Variants in UNC5D observed in about 807,000 individuals in gnomAD.
UNC5D encodes the protein unc-5 netrin receptor D.
UNC5D carries 39 observed loss-of-function variants against 105.4 expected under a neutral mutation model. That is an observed-to-expected ratio of 0.37 (90% CI 0.29 to 0.48). The LOEUF (loss-of-function observed/expected upper bound fraction) is 0.48. Ranked by LOEUF, UNC5D falls within the 20% of genes least tolerant of loss-of-function variation. The pLI is 0.98. For missense variants in UNC5D, 991 were observed against 1,202.4 expected (o/e 0.82, Z 2.60); for synonymous variants, 452 against 450.4 (o/e 1.00, Z -0.04).
intron 16 of UNC5D, among the ~76,000 whole-genome samples, chr8:35,789,405 T>C (rs1397615200): frequency 6.7e-6 from 1 of 149,932 alleles, no homozygotes; most frequent in Non-Finnish European, 1.5e-5. Context: ...GTAGTAAACA[T>C]GGAGAGCAAC....
intron 12 of UNC5D, among the ~76,000 whole-genome samples, chr8:35,749,312 T>C (rs1413303304): frequency 6.6e-6 from 1 of 152,172 alleles, no homozygotes; most frequent in Non-Finnish European, 1.5e-5. Context: ...GTCACAGCAA[T>C]GACAGATTGC....
intron 1 of UNC5D, among the ~76,000 whole-genome samples, chr8:35,429,221 G>T (rs1367409126): frequency 6.6e-6 from 1 of 152,058 alleles, no homozygotes; most frequent in Non-Finnish European, 1.5e-5. Context: ...GAATCCTGTG[G>T]GTTAGTCTTT....
At chr8:35,684,784 T>A in intron 6 of UNC5D, 35 bp downstream of exon 6, 3 of 1,575,804 alleles carry the variant, frequency 1.9e-6, no homozygotes, top group Non-Finnish European at 2.6e-6. Flanking sequence ...TCCCTTCTGA[T>A]CCACCAACAC....
intron 1 of UNC5D, among the ~76,000 whole-genome samples, chr8:35,377,926 T>C (rs1045084605): frequency 2.0e-5 from 3 of 152,186 alleles, no homozygotes; most frequent in African/African-American, 7.2e-5. Context: ...TCATCCTTCA[T>C]TCTCTCACCA....
At chr8:35,641,168 A>C (rs1432835151) in intron 4 of UNC5D, among the ~76,000 whole-genome samples, 1 of 152,070 alleles carries the variant, frequency 6.6e-6, no homozygotes, top group Non-Finnish European at 1.5e-5. Flanking sequence ...GAAGCTGTGT[A>C]TATATGAATA....
At chr8:35,411,133 G>A (rs139977092) in intron 1 of UNC5D, among the ~76,000 whole-genome samples, 36 of 152,080 alleles carry the variant, frequency 2.4e-4, no homozygotes, top group Admixed American at 9.8e-4. Flanking sequence ...TTTGAGAGGG[G>A]CACCTAGTTA....
At chr8:35,611,970 C>T (rs1053397492) in intron 4 of UNC5D, among the ~76,000 whole-genome samples, 2 of 152,186 alleles carry the variant, frequency 1.3e-5, no homozygotes, top group Admixed American at 6.5e-5. Context: ...AAATGGTTAT[C>T]GCTGTTAATA....
chr8:35,681,703 C>T (rs772789797), intron 4 of UNC5D, among the ~76,000 whole-genome samples: 3 of 152,116 alleles, frequency 2.0e-5, no homozygotes. Flanking sequence ...TGGTACCACT[C>T]GGCTCTGACA....
intron 1 of UNC5D, among the ~76,000 whole-genome samples, chr8:35,380,899 G>A (rs983182653): frequency 6.6e-6 from 1 of 152,092 alleles, no homozygotes; most frequent in Non-Finnish European, 1.5e-5. Context: ...CGTCACACCT[G>A]CCAGGATCAT....
intron 10 of UNC5D, chr8:35,726,949 G>A (rs988874291): frequency 7.4e-5 from 14 of 189,020 alleles, no homozygotes; most frequent in Admixed American, 1.6e-4. Context: ...TTAGTGAAAT[G>A]ACATCTCATC....
intron 1 of UNC5D, among the ~76,000 whole-genome samples, chr8:35,430,540 C>T (rs112844824): frequency 0.017 from 2,588 of 152,150 alleles, 91 homozygotes; most frequent in African/African-American, 0.059. Flanking sequence ...ACCTGGGGAT[C>T]GCAATTGGCA....
Position 35,489,798 on chromosome 8 carries a change from T to C in UNC5D, c.104-59494T>C, listed in dbSNP as rs554832509. Among the ~76,000 whole-genome samples the C allele has an allele frequency of 4.5e-4, 69 of 152,358 alleles. 1 individual carries two copies. The South Asian group carries it at 0.011, about 25-fold the overall frequency. On this transcript the variant is annotated intron_variant, in intron 1 of 16. Coordinates refer to ENST00000404895, the MANE Select transcript of UNC5D (RefSeq NM_080872.4). Reference sequence around the variant, plus strand: ...CTACAAAACATGTAGCTTTGGTTTATTGCAAACGTTTAAACATTATAGCCT... The same window carrying C: ...CTACAAAACATGTAGCTTTGGTTTACTGCAAACGTTTAAACATTATAGCCT...
chr8:35,574,193 A>T (rs946260805), intron 3 of UNC5D, among the ~76,000 whole-genome samples: 1 of 151,728 alleles, frequency 6.6e-6, no homozygotes, highest in Non-Finnish European at 1.5e-5. Flanking sequence ...CTGCTTATAA[A>T]ATATTGGGCC....
intron 2 of UNC5D, among the ~76,000 whole-genome samples, chr8:35,563,410 C>A (rs1817106559): frequency 6.6e-6 from 1 of 151,494 alleles, no homozygotes; most frequent in African/African-American, 2.4e-5. Context: ...TTCTTGATTT[C>A]TTTTTCAGAT....
intron 1 of UNC5D, among the ~76,000 whole-genome samples, chr8:35,322,730 G>A (rs192386567): frequency 2.1e-3 from 314 of 152,244 alleles, no homozygotes; most frequent in Admixed American, 3.1e-3. Context: ...CTATTTATAG[G>A]TAACTTAATG....
At chr8:35,634,694 A>G (rs568362846) in intron 4 of UNC5D, among the ~76,000 whole-genome samples, 1 of 152,250 alleles carries the variant, frequency 6.6e-6, no homozygotes, top group South Asian at 2.1e-4. Context: ...CTTTTTGTGC[A>G]ATTATAAGGT....
chr8:35,396,831 A>G (rs1804133303), intron 1 of UNC5D, among the ~76,000 whole-genome samples: 1 of 146,370 alleles, frequency 6.8e-6, no homozygotes, highest in African/African-American at 2.5e-5. Context: ...GTATAAATTT[A>G]TAGGATACAT....
chr8:35,296,479 G>A (rs1164780483), intron 1 of UNC5D, among the ~76,000 whole-genome samples: 1 of 152,142 alleles, frequency 6.6e-6, no homozygotes, highest in African/African-American at 2.4e-5. Context: ...GAGTGCAGTG[G>A]CACAATCTCG....
intron 1 of UNC5D, among the ~76,000 whole-genome samples, chr8:35,317,029 G>A (rs190593214): frequency 1.3e-5 from 2 of 152,176 alleles, no homozygotes; most frequent in Admixed American, 1.3e-4. Context: ...TAGCATTTTG[G>A]AAGAAACGTA....
Sources: allele counts gnomAD v4.1 joint callset (sites outside exome capture counted in the v4.1 genomes callset), GRCh38; gene constraint gnomAD v4.1.1; transcripts MANE v1.5; gene names NCBI Gene and HGNC (gene_info 2026-07-23, HGNC 2026-07-21).